Variants in PRICKLE4 observed in about 807,000 individuals in gnomAD.
PRICKLE4 encodes prickle-like protein 4.
Under a neutral mutation model 43.5 loss-of-function variants are expected in PRICKLE4, and 40 were observed. That is an observed-to-expected ratio of 0.92 (90% CI 0.71 to 1.20). The LOEUF is 1.20. Ranked by LOEUF, PRICKLE4 falls within the 50% of genes most tolerant of loss-of-function variation. PRICKLE4 has a pLI of 0.00. For synonymous variants in PRICKLE4, 208 were observed against 197.4 expected (o/e 1.05, Z -0.45); for missense variants, 527 against 491.2 (o/e 1.07, Z -0.69).
Position 41,786,387 on chromosome 6 carries a change from G to A in PRICKLE4, c.787+55G>A, listed in dbSNP as rs993531229. 7 of 1,510,352 alleles carry A rather than the reference G, an allele frequency of 4.6e-6. No homozygotes were observed. The South Asian group carries it at 8.7e-5, about 19-fold the overall frequency. The allele number at this position is 1,510,352 out of a possible 1,614,324, so 93.6% of individuals were successfully genotyped here. The stretch of plus-strand genomic sequence containing the variant: ...AGGGAGCTTGGGCTGGGCTGTGGGG[G>A]TTCTCCCGGGCTGGGACCCTCGCCC... On this transcript the variant is annotated intron_variant, in intron 7 of 7. Coordinates refer to ENST00000458694, the MANE Select transcript of PRICKLE4 (RefSeq NM_013397.6).
Position 41,785,082 on chromosome 6 carries a change from A to T in PRICKLE4, c.378+10A>T. ...ACACACCTGTGAGAAGGTATGTAGCACCCCTCCCCCCAAATTCCCCTTCCT... is the reference window on the plus strand; with the variant it reads ...ACACACCTGTGAGAAGGTATGTAGCTCCCCTCCCCCCAAATTCCCCTTCCT... On this transcript the variant is annotated intron_variant, in intron 5 of 7. Transcript: ENST00000458694. 1 of 1,612,650 alleles carries T rather than the reference A, an allele frequency of 6.2e-7. No homozygotes were observed. Among genetic ancestry groups the T allele is most frequent in the Non-Finnish European group, 8.5e-7 (1 of 1,179,552 alleles).
chr6:41,783,443 T>A lies in PRICKLE4; in HGVS notation c.-12-19T>A, dbSNP rs778020614. 6.8e-7 allele frequency: 1 copy of A among 1,464,380 alleles called. No individual in the cohort carries two copies. The highest frequency in any genetic ancestry group is 2.3e-5 in the East Asian group (1 of 43,822). 90.7% of individuals were successfully genotyped at this position (1,464,380 alleles called of 1,614,324 possible). A position where few individuals can be genotyped will look rare whatever the true frequency, so the allele number is the denominator to read the frequency against. ...GTAACGGCCTAATACATGGAGGTGT[T>A]CTTATTGTTTTGGGGTAGGCTTTGC... On this transcript the variant is annotated intron_variant, in intron 2 of 7. Transcript: ENST00000458694.
In PRICKLE4 at chr6:41,783,553, A is replaced by C; in HGVS notation, c.80A>C (p.Asp27Ala). The change falls in exon 3 of 8, where the codon GAC (aspartate) becomes GCC (alanine). Residue 27 changes from aspartate to alanine, a missense_variant. Asp to Ala is a moderately radical substitution (Grantham distance 126). Coordinates refer to ENST00000458694, the MANE Select transcript of PRICKLE4 (RefSeq NM_013397.6). Reference sequence around the variant, plus strand: ...GATCCAGGTCCACCAGCCAACTCAGACAGTGACTCAGGCCACCTGCCGGGG... The same window carrying C: ...GATCCAGGTCCACCAGCCAACTCAGCCAGTGACTCAGGCCACCTGCCGGGG... Reference protein sequence around the residue: ...PQDPGPPANSDSDSGHLPGED... With the variant: ...PQDPGPPANSASDSGHLPGED... The C allele has an allele frequency of 6.2e-7, 1 of 1,613,580 alleles. No homozygotes were observed. The highest frequency in any genetic ancestry group is 8.5e-7 in the Non-Finnish European group (1 of 1,179,736).
At position 41,787,402 on chromosome 6, in the gene PRICKLE4, C is replaced by G. The variant is rs1460028003; in HGVS notation, c.*273C>G. 1 of 610,004 alleles carries G rather than the reference C, an allele frequency of 1.6e-6. No homozygotes were observed. The highest frequency in any genetic ancestry group is 2.9e-5 in the East Asian group (1 of 34,536). The allele number at this position is 610,004 out of a possible 1,614,324, so 37.8% of individuals were successfully genotyped here. ...CCACCTCCACAGGCTGGGACAGCCC[C>G]GTCCCCACCATCCTCCTCCCAAGCC... On this transcript the variant is annotated 3_prime_UTR_variant, in exon 8 of 8. Transcript: ENST00000458694.
Position 41,787,367 on chromosome 6 carries a change from G to C in PRICKLE4, c.*238G>C. 1 of 651,020 alleles carries C rather than the reference G, an allele frequency of 1.5e-6. No individual in the cohort carries two copies. 40.3% of individuals were successfully genotyped at this position (651,020 alleles called of 1,614,324 possible). ...AAGCTACGCTTCCCCTGCTGAGATA[G>C]CCCCTACCCCCACCTCCACAGGCTG... is the stretch of plus-strand genomic sequence containing the variant. On this transcript the variant is annotated 3_prime_UTR_variant, in exon 8 of 8. Transcript: ENST00000458694.
intron 7 of PRICKLE4, 76 bp downstream of exon 7, chr6:41,786,408 C>T (rs1230537591): frequency 3.5e-6 from 5 of 1,444,966 alleles, no homozygotes; most frequent in Non-Finnish European, 4.7e-6. Context: ...CTGGGACCCT[C>T]GCCCCGGTCC....
intron 2 of PRICKLE4, 146 bp from the exon 3 acceptor site, chr6:41,783,316 G>A (rs940166082): frequency 8.8e-6 from 7 of 792,610 alleles, no homozygotes; most frequent in Middle Eastern, 3.9e-4. Flanking sequence ...ATCCTCAGTT[G>A]GGCCATCTGT....
At chr6:41,785,225 G>A in intron 5 of PRICKLE4, 112 bp from the exon 6 acceptor site, 1 of 1,504,076 alleles carries the variant, frequency 6.6e-7, no homozygotes. Flanking sequence ...TGCAGTGGAT[G>A]TGGGCTTGCT....
At position 41,785,352 on chromosome 6, in the gene PRICKLE4, A is replaced by G; in HGVS notation, c.394A>G (p.Lys132Glu). 1 of 1,613,972 alleles carries G rather than the reference A, an allele frequency of 6.2e-7. No homozygotes were observed. The highest frequency in any genetic ancestry group is 1.3e-5 in the African/African-American group (1 of 74,998). The change falls in exon 6 of 8, where the codon AAG (lysine) becomes GAG (glutamate). Residue 132 changes from lysine to glutamate, a missense_variant. Coordinates refer to ENST00000458694, the MANE Select transcript of PRICKLE4 (RefSeq NM_013397.6). ...CCTCTGACAGTGTAGGGAGCTGCTGAAGCCAGGGGAGTACGGAGTGTTTGC... is the reference window on the plus strand; with the variant it reads ...CCTCTGACAGTGTAGGGAGCTGCTGGAGCCAGGGGAGTACGGAGTGTTTGC... ...HTCEKCRELL[K>E]PGEYGVFAAR...
In PRICKLE4 at chr6:41,786,764, G is replaced by C. The variant is rs865927966; in HGVS notation, c.790G>C (p.Glu264Gln). 1 of 1,613,104 alleles carries C rather than the reference G, an allele frequency of 6.2e-7. No individual in the cohort carries two copies. The highest frequency in any genetic ancestry group is 1.7e-4 in the Middle Eastern group (1 of 6,060). ...GALEGQAFLG[E>Q]TGLDRTEGRD... is the part of the protein sequence containing the mutation. ...GTTTCCGACCCGGCCCGGAACAGGG[G>C]AGACTGGACTCGACCGAACTGAAGG... Residue 264 changes from glutamate to glutamine, a missense_variant and splice_region_variant, in exon 8 of 8, where the codon GAG becomes CAG. Glu to Gln is a conservative substitution (Grantham distance 29). Transcript: ENST00000458694.
At chr6:41,784,729 C>T in intron 4 of PRICKLE4, 2 of 618,090 alleles carry the variant, frequency 3.2e-6, no homozygotes, top group South Asian at 2.0e-5. Flanking sequence ...TGATTGATGA[C>T]ATTCCTAGTG....
Position 41,784,173 on chromosome 6 carries a change from A to C in PRICKLE4, c.175A>C (p.Asn59His). 6.2e-7 allele frequency: 1 copy of C among 1,614,158 alleles called. No individual in the cohort carries two copies. Among genetic ancestry groups the C allele is most frequent in the South Asian group, 1.1e-5 (1 of 91,080 alleles). Residue 59 changes from asparagine (N) to histidine (H), a missense_variant, in exon 4 of 8, where the codon AAC (asparagine) becomes CAC (histidine). By Grantham distance (68) the Asn-to-His change is moderately conservative. Transcript: ENST00000458694. ...LSLGSLCLDT[N>H]QAPNWTGLQT... Reference sequence around the variant, plus strand: ...CTTGGGTTCCCTTTGCCTGGACACCAACCAAGCCCCCAACTGGACTGGACT... The same window carrying C: ...CTTGGGTTCCCTTTGCCTGGACACCCACCAAGCCCCCAACTGGACTGGACT...
chr6:41,784,826 G>A, intron 4 of PRICKLE4, 109 bp from the exon 5 acceptor site: 1 of 1,399,394 alleles, frequency 7.1e-7, no homozygotes, highest in Non-Finnish European at 9.8e-7. Flanking sequence ...ATCTCCCTGA[G>A]GTTCTACAAC....
intron 2 of PRICKLE4, among the ~76,000 whole-genome samples, chr6:41,782,527 C>T (rs893131770): frequency 6.6e-6 from 1 of 151,812 alleles, no homozygotes; most frequent in East Asian, 1.9e-4. Flanking sequence ...GTAGCTGGGA[C>T]TATAGGCGCC....
chr6:41,786,547 G>A, intron 7 of PRICKLE4: 1 of 1,016,692 alleles, frequency 9.8e-7, no homozygotes, highest in Non-Finnish European at 1.5e-6. Context: ...CCCGCGCCGC[G>A]GTCGGGGTTG....
At position 41,787,172 on chromosome 6, in the gene PRICKLE4, C is replaced by G; in HGVS notation, c.*43C>G. ...GGGATGTGAGTGGGAGGAAAGGGGT[C>G]TGTAAAGCGGGAGAACAAGGCTAGC... On this transcript the variant is annotated 3_prime_UTR_variant, in exon 8 of 8. Transcript: ENST00000458694. 1.9e-6 allele frequency: 3 copies of G among 1,543,242 alleles called. No individual in the cohort carries two copies. The highest frequency in any genetic ancestry group is 2.6e-6 in the Non-Finnish European group (3 of 1,151,862).
In PRICKLE4 at chr6:41,787,161, A is replaced by C. The variant is rs1772678492; in HGVS notation, c.*32A>C. ...AGCTCAGAGAGGGGATGTGAGTGGGAGGAAAGGGGTCTGTAAAGCGGGAGA... is the reference window on the plus strand; with the variant it reads ...AGCTCAGAGAGGGGATGTGAGTGGGCGGAAAGGGGTCTGTAAAGCGGGAGA... On this transcript the variant is annotated 3_prime_UTR_variant, in exon 8 of 8. Transcript: ENST00000458694. 1 of 1,561,870 alleles carries C rather than the reference A, an allele frequency of 6.4e-7. No homozygotes were observed. Among genetic ancestry groups the C allele is most frequent in the African/African-American group, 1.4e-5 (1 of 73,456 alleles).
chr6:41,782,060 A>C (rs1433681954), intron 2 of PRICKLE4, among the ~76,000 whole-genome samples: 1 of 144,164 alleles, frequency 6.9e-6, no homozygotes, highest in African/African-American at 2.5e-5. Context: ...CTCTACATTA[A>C]TAGTCGCTTT....
chr6:41,782,386 C>CTTT (rs71545914), intron 2 of PRICKLE4, among the ~76,000 whole-genome samples: 16 of 38,328 alleles, frequency 4.2e-4, no homozygotes, highest in Middle Eastern at 0.036. Context: ...GTCACTTCTT[C>CTTT]TTTTTTTTTT....
Sources: gnomAD v4.1 joint callset for allele counts (sites outside exome capture counted in the v4.1 genomes callset) on GRCh38, gnomAD v4.1.1 for gene constraint, MANE v1.5 for transcripts, NCBI Gene and HGNC (gene_info 2026-07-23, HGNC 2026-07-21) for gene names.